NBAS: variants seen among roughly 807,000 people sequenced by gnomAD.
NBAS encodes the protein NAG/BC035112 fusion.
NBAS carries 219 observed loss-of-function variants against 302.5 expected under a neutral mutation model. The ratio of observed to expected loss-of-function variants is 0.72; its 90% CI spans 0.65 to 0.81. The LOEUF (loss-of-function observed/expected upper bound fraction) is 0.81. NBAS is among the 30% of genes least tolerant of loss of function. NBAS has a pLI of 0.00. For synonymous variants in NBAS, 1,118 were observed against 1,021.6 expected (o/e 1.09, Z -1.80); for missense variants, 2,932 against 2,841.6 (o/e 1.03, Z -0.72).
At chr2:14,795,106 A>C in the NBAS span, among the ~76,000 whole-genome samples, 1 of 152,170 alleles carries the variant, frequency 6.6e-6, no homozygotes, top group East Asian at 1.9e-4. Flanking sequence ...TGTTTGTCTT[A>C]GGTAATCCTT....
chr2:15,175,359 A>C (rs1211033408), intron 51 of NBAS, among the ~76,000 whole-genome samples: 3 of 152,236 alleles, frequency 2.0e-5, no homozygotes, highest in Non-Finnish European at 2.9e-5. Context: ...GGCATTGAGC[A>C]GTACCAAAGA....
At chr2:14,973,492 A>C in the NBAS span, among the ~76,000 whole-genome samples, 279 of 152,218 alleles carry the variant, frequency 1.8e-3, no homozygotes, top group Non-Finnish European at 3.3e-3. Context: ...CTTTTGATAG[A>C]TATAAGTAAA....
At chr2:15,490,792 C>A (rs1032191344) in intron 11 of NBAS, among the ~76,000 whole-genome samples, 1 of 152,094 alleles carries the variant, frequency 6.6e-6, no homozygotes, top group Admixed American at 6.5e-5. Context: ...TCACCTGGAC[C>A]CTGGCCTAGT....
the NBAS span, among the ~76,000 whole-genome samples, chr2:14,880,318 AG>A: frequency 2.0e-5 from 3 of 151,880 alleles, no homozygotes; most frequent in Admixed American, 2.0e-4. Flanking sequence ...AATCACTATA[AG>A]AGGAAATTAA....
At chr2:15,537,124 C>T (rs149497233) in intron 7 of NBAS, among the ~76,000 whole-genome samples, 109 of 152,278 alleles carry the variant, frequency 7.2e-4, no homozygotes, top group African/African-American at 2.5e-3. Context: ...GAAGGGGATT[C>T]GAATATGCCG....
At chr2:15,106,413 A>C in the NBAS span, among the ~76,000 whole-genome samples, 1 of 150,258 alleles carries the variant, frequency 6.7e-6, no homozygotes, top group Non-Finnish European at 1.5e-5. Flanking sequence ...TAAATCTTGA[A>C]GTCTTGGGTG....
chr2:15,372,090 A>G (rs184087233), intron 31 of NBAS, among the ~76,000 whole-genome samples: 28 of 152,308 alleles, frequency 1.8e-4, no homozygotes, highest in Non-Finnish European at 3.7e-4. Flanking sequence ...TTACCCAGTA[A>G]TAAGTGGCAG....
intron 41 of NBAS, 84 bp downstream of exon 41, chr2:15,292,453 G>T: frequency 7.1e-7 from 1 of 1,399,864 alleles, no homozygotes; most frequent in Admixed American, 1.9e-5. Flanking sequence ...AACTTCAAAG[G>T]ACTGAAATTA....
chr2:15,096,587 C>T, the NBAS span, among the ~76,000 whole-genome samples: 1 of 152,206 alleles, frequency 6.6e-6, no homozygotes, highest in Non-Finnish European at 1.5e-5. Context: ...CAACAACTCT[C>T]CTTATGCAGT....
the NBAS span, among the ~76,000 whole-genome samples, chr2:14,825,890 A>G: frequency 6.6e-6 from 1 of 152,214 alleles, no homozygotes; most frequent in Admixed American, 6.5e-5. Context: ...CGGGTGTTCC[A>G]GGTGGAAAAA....
At chr2:14,827,427 C>A in the NBAS span, among the ~76,000 whole-genome samples, 1 of 152,092 alleles carries the variant, frequency 6.6e-6, no homozygotes, top group South Asian at 2.1e-4. Context: ...ACTTGGGAGT[C>A]CGTGGGCATT....
chr2:15,394,037 A>C (rs1675744503), intron 28 of NBAS, among the ~76,000 whole-genome samples, 190 bp downstream of exon 28: 1 of 152,094 alleles, frequency 6.6e-6, no homozygotes, highest in South Asian at 2.1e-4. Context: ...GGATGTGTTT[A>C]TTATCTTAAT....
chr2:15,062,761 G>A, the NBAS span, among the ~76,000 whole-genome samples: 1 of 152,152 alleles, frequency 6.6e-6, no homozygotes, highest in African/African-American at 2.4e-5. Flanking sequence ...ACTGAACATT[G>A]CAAATAGTAA....
At chr2:15,221,980 T>A (rs938092392) in intron 47 of NBAS, among the ~76,000 whole-genome samples, 4 of 152,224 alleles carry the variant, frequency 2.6e-5, no homozygotes, top group Non-Finnish European at 5.9e-5. Context: ...GACCAAGAAG[T>A]CACTCAATAG....
the NBAS span, among the ~76,000 whole-genome samples, chr2:14,864,750 C>T: frequency 6.6e-6 from 1 of 152,154 alleles, no homozygotes; most frequent in East Asian, 1.9e-4. Flanking sequence ...TTTAACACCT[C>T]CCTGACTCAG....
chr2:15,136,381 C>T, the NBAS span, among the ~76,000 whole-genome samples: 1 of 152,168 alleles, frequency 6.6e-6, no homozygotes, highest in African/African-American at 2.4e-5. Context: ...ATGCTGTGGG[C>T]CACACGGTCT....
chr2:14,934,283 T>C, the NBAS span, among the ~76,000 whole-genome samples: 1 of 152,220 alleles, frequency 6.6e-6, no homozygotes, highest in African/African-American at 2.4e-5. Flanking sequence ...AACCTATTTT[T>C]TCCATTGTCA....
intron 6 of NBAS, among the ~76,000 whole-genome samples, chr2:15,550,963 T>C (rs1664354569): frequency 6.6e-6 from 1 of 152,170 alleles, no homozygotes; most frequent in African/African-American, 2.4e-5. Flanking sequence ...GATTAAGAAA[T>C]CTCATGGGAT....
chr2:15,028,046 A>G, the NBAS span, among the ~76,000 whole-genome samples: 2 of 152,188 alleles, frequency 1.3e-5, no homozygotes, highest in Non-Finnish European at 2.9e-5. Flanking sequence ...AATATTTAGA[A>G]ATTTTTGCAT....
Sources: allele counts gnomAD v4.1 joint callset (sites outside exome capture counted in the v4.1 genomes callset), GRCh38; gene constraint gnomAD v4.1.1; transcripts MANE v1.5; gene names NCBI Gene and HGNC (gene_info 2026-07-23, HGNC 2026-07-21).